Variants in BANK1 observed in about 807,000 individuals in gnomAD.
BANK1 encodes the protein B cell scaffold protein with ankyrin repeats 1, also known as B-cell scaffold protein with ankyrin repeats.
In BANK1, 95 loss-of-function variants were observed where a neutral mutation model predicts 94.5. The ratio of observed to expected loss-of-function variants is 1.00; its 90% confidence interval spans 0.85 to 1.19. The LOEUF is 1.19. Among genes scored for constraint, BANK1 ranks in the 50% most tolerant of loss-of-function variants. The pLI is 0.00. For missense variants in BANK1, 987 were observed against 932.2 expected (o/e 1.06, Z -0.77); for synonymous variants, 334 against 308.4 (o/e 1.08, Z -0.87).
intron 6 of BANK1, among the ~76,000 whole-genome samples, chr4:101,913,567 A>G (rs1375788818): frequency 2.0e-5 from 3 of 151,994 alleles, no homozygotes; most frequent in African/African-American, 4.8e-5. Flanking sequence ...CTCATTGCCT[A>G]CTTCTCTCTG....
chr4:102,014,963 C>T (rs1726643384), intron 7 of BANK1, among the ~76,000 whole-genome samples: 1 of 152,068 alleles, frequency 6.6e-6, no homozygotes, highest in African/African-American at 2.4e-5. Context: ...CAACCTTTGA[C>T]TTATGTAATT....
chr4:101,967,028 A>G lies in BANK1; in HGVS notation c.1206+48839A>G, dbSNP rs147902370. On this transcript the variant is annotated intron_variant, in intron 7 of 16. Coordinates refer to ENST00000322953, the MANE Select transcript of BANK1 (RefSeq NM_017935.5). ...ACCAGAAAGCATTCAAGATAGTTTT[A>G]CTCGTTAGTCCAATTTATTAATCGT... Among the ~76,000 whole-genome samples the G allele has an allele frequency of 1.1e-3, 162 of 152,212 alleles. 1 individual carries two copies. Among genetic ancestry groups the G allele is most frequent in the African/African-American group, 3.9e-3 (161 of 41,546 alleles).
At chr4:101,864,729 T>C (rs1273086612) in intron 4 of BANK1, among the ~76,000 whole-genome samples, 1 of 152,190 alleles carries the variant, frequency 6.6e-6, no homozygotes, top group Non-Finnish European at 1.5e-5. Flanking sequence ...ACTGTCCATT[T>C]TTATGCTTAG....
At chr4:102,021,620 A>ATG in intron 8 of BANK1, 28 bp downstream of exon 8, 2 of 986,860 alleles carry the variant, frequency 2.0e-6, no homozygotes, top group Non-Finnish European at 2.9e-6. Flanking sequence ...ATATATATAT[A>ATG]TGACATATTC....
chr4:102,007,598 G>A (rs1390934411), intron 7 of BANK1, among the ~76,000 whole-genome samples: 1 of 151,976 alleles, frequency 6.6e-6, no homozygotes, highest in Admixed American at 6.6e-5. Flanking sequence ...ATAATATGTG[G>A]AATTTTGCTT....
intron 10 of BANK1, among the ~76,000 whole-genome samples, chr4:102,035,258 G>A (rs773890886): frequency 2.0e-5 from 3 of 152,168 alleles, no homozygotes; most frequent in Non-Finnish European, 4.4e-5. Flanking sequence ...ATACAGCTAA[G>A]CACTCTAACT....
chr4:101,969,353 A>G (rs1209712828), intron 7 of BANK1, among the ~76,000 whole-genome samples: 1 of 152,138 alleles, frequency 6.6e-6, no homozygotes, highest in Non-Finnish European at 1.5e-5. Flanking sequence ...CTGGCTAATG[A>G]AAATGCCTAG....
At chr4:102,065,431 T>G (rs1297770893) in intron 13 of BANK1, among the ~76,000 whole-genome samples, 2 of 152,150 alleles carry the variant, frequency 1.3e-5, no homozygotes, top group Non-Finnish European at 1.5e-5. Flanking sequence ...TGACAGTAAT[T>G]GAGTTGCCTA....
chr4:101,972,184 G>A (rs1397412939), intron 7 of BANK1, among the ~76,000 whole-genome samples: 4 of 151,898 alleles, frequency 2.6e-5, no homozygotes, highest in Non-Finnish European at 4.4e-5. Flanking sequence ...TCAGTATATA[G>A]GTCTTTCACC....
intron 4 of BANK1, among the ~76,000 whole-genome samples, chr4:101,865,455 G>A (rs1728032772): frequency 6.6e-6 from 1 of 152,044 alleles, no homozygotes; most frequent in South Asian, 2.1e-4. Context: ...AGAGCCCATG[G>A]AACCTCTGGT....
intron 11 of BANK1, among the ~76,000 whole-genome samples, chr4:102,053,107 C>T (rs1728107143): frequency 6.6e-6 from 1 of 152,154 alleles, no homozygotes; most frequent in African/African-American, 2.4e-5. Context: ...AGGGTTTGTT[C>T]TCAGTACATG....
chr4:101,950,060 T>TGTGTGCGCGC (rs369393040), intron 7 of BANK1, among the ~76,000 whole-genome samples: 1 of 139,404 alleles, frequency 7.2e-6, no homozygotes, highest in Non-Finnish European at 1.5e-5. Context: ...TGTGTGTGTG[T>TGTGTGCGCGC]GCGCGTGCGC....
chr4:101,984,519 T>G (rs1470945095), intron 7 of BANK1, among the ~76,000 whole-genome samples: 2 of 152,084 alleles, frequency 1.3e-5, no homozygotes, highest in Non-Finnish European at 2.9e-5. Flanking sequence ...AACATGCAAT[T>G]TGCAATAAAA....
intron 6 of BANK1, among the ~76,000 whole-genome samples, chr4:101,916,006 G>A (rs1175386126): frequency 1.3e-5 from 2 of 151,936 alleles, no homozygotes; most frequent in Non-Finnish European, 2.9e-5. Flanking sequence ...ATACTATTAT[G>A]AAAGGAATGA....
At chr4:101,822,525 T>C (rs1006418129) in intron 1 of BANK1, among the ~76,000 whole-genome samples, 49 of 152,180 alleles carry the variant, frequency 3.2e-4, no homozygotes, top group African/African-American at 1.2e-3. Flanking sequence ...TTTAAATTTG[T>C]AGTACATTAT....
At chr4:101,895,585 G>A (rs1473939772) in intron 6 of BANK1, among the ~76,000 whole-genome samples, 175 bp downstream of exon 6, 1 of 151,692 alleles carries the variant, frequency 6.6e-6, no homozygotes, top group Non-Finnish European at 1.5e-5. Flanking sequence ...ATGTTCGTTT[G>A]GTAATTTTTT....
intron 6 of BANK1, among the ~76,000 whole-genome samples, chr4:101,916,700 A>G (rs1271400890): frequency 2.0e-5 from 3 of 152,016 alleles, no homozygotes; most frequent in African/African-American, 7.2e-5. Flanking sequence ...CTCTTTAAAA[A>G]ATTTCCCCCA....
chr4:101,867,244 T>C (rs1403707324), intron 4 of BANK1, among the ~76,000 whole-genome samples: 2 of 148,308 alleles, frequency 1.3e-5, no homozygotes, highest in Non-Finnish European at 3.0e-5. Flanking sequence ...AAGAAAATAG[T>C]GGAGTAAAAT....
intron 7 of BANK1, among the ~76,000 whole-genome samples, chr4:102,017,159 G>A (rs1405176276): frequency 6.6e-6 from 1 of 152,118 alleles, no homozygotes; most frequent in African/African-American, 2.4e-5. Context: ...CAGACTTGGG[G>A]TTCCATCATT....
Sources: gnomAD v4.1 joint callset for allele counts (sites outside exome capture counted in the v4.1 genomes callset) on GRCh38, gnomAD v4.1.1 for gene constraint, MANE v1.5 for transcripts, NCBI Gene and HGNC (gene_info 2026-07-23, HGNC 2026-07-21) for gene names.